SYNM: variants seen among roughly 807,000 people sequenced by gnomAD.
SYNM encodes desmuslin.
A neutral mutation model predicts 104.0 loss-of-function variants in SYNM; 95 were observed. The ratio of observed to expected loss-of-function variants is 0.91; its 90% CI spans 0.77 to 1.08. SYNM has a LOEUF of 1.08. SYNM is among the 50% of genes least tolerant of loss of function. The probability of loss-of-function intolerance (pLI) is 0.00; values close to 1 mark genes in which losing one functional copy is unlikely to be tolerated. For missense variants in SYNM, 2,150 were observed against 2,052.2 expected, an observed-to-expected ratio of 1.05 and a Z score of -0.92; for synonymous variants, 918 against 869.0, an observed-to-expected ratio of 1.06 and a Z score of -0.99.
In SYNM at chr15:99,130,232, T is replaced by C. The variant is rs1567283124; in HGVS notation, c.1872T>C (p.Asp624=). The C allele has an allele frequency of 6.2e-7, 1 of 1,613,974 alleles. No homozygotes were observed. Among genetic ancestry groups the C allele is most frequent in the South Asian group, 1.1e-5 (1 of 91,078 alleles). ...TACGGTTCAGGTTGGGCACCAGTGA[T>C]GCCACTGGTTCTCTGCAAGGCGATT... is the stretch of plus-strand genomic sequence containing the variant. The part of the protein sequence containing the change: ...RELRFRLGTS[D]ATGSLQGDSM... Residue 624 remains aspartate, a synonymous_variant, in exon 4 of 4, where the codon GAT becomes GAC. Transcript: ENST00000336292.
Position 99,131,011 on chromosome 15 carries a change from G to C in SYNM, c.2651G>C (p.Gly884Ala), listed in dbSNP as rs782379158. 4.3e-6 allele frequency: 7 copies of C among 1,613,114 alleles called. No individual in the cohort carries two copies. The African/African-American group carries it at 9.3e-5, about 22-fold the overall frequency. ...AGGACACAGAAGGACGGTGCAGTGG[G>C]CGAGAAGGTTGTGAAGCCCTTGGAT... ...RRRTQKDGAV[G>A]EKVVKPLDVP... is the part of the protein sequence containing the mutation. Residue 884 changes from glycine (G) to alanine (A), a missense_variant, in exon 4 of 4, where the codon GGC becomes GCC. Physicochemically the swap from Gly to Ala is moderately conservative, Grantham distance 60. Transcript: ENST00000336292. The surrounding 1 kb of genome is among the most constrained non-coding windows in gnomAD (Gnocchi z 4.3).
intron 1 of SYNM, among the ~76,000 whole-genome samples, chr15:99,108,206 C>T (rs1311547769): frequency 8.5e-5 from 13 of 152,102 alleles, no homozygotes; most frequent in African/African-American, 2.9e-4. Context: ...AACTCCTGAC[C>T]TCAAGTGATC....
At chr15:99,126,642 C>A (rs2067450479) in intron 2 of SYNM, 80 bp from the exon 3 acceptor site, 1 of 1,335,964 alleles carries the variant, frequency 7.5e-7, no homozygotes, top group Non-Finnish European at 1.0e-6. Context: ...TCATTGGCCG[C>A]ATACCACGAT....
Position 99,130,337 on chromosome 15 carries a change from T to C in SYNM, c.1977T>C (p.Ser659=). The change falls in exon 4 of 4, where the codon TCT becomes TCC. Residue 659 remains serine, a synonymous_variant. Coordinates refer to ENST00000336292, the MANE Select transcript of SYNM (RefSeq NM_145728.3). Reference sequence around the variant, plus strand: ...CTCAGTCTCCAGAGACAGAAGCATCTGCTGATTCTTTTCCAGACACAAAAG... The same window carrying C: ...CTCAGTCTCCAGAGACAGAAGCATCCGCTGATTCTTTTCCAGACACAAAAG... ...QFTQSPETEA[S]ADSFPDTKVT... is the part of the protein sequence containing the mutation. 4 of 1,613,792 alleles carry C rather than the reference T, an allele frequency of 2.5e-6. No individual in the cohort carries two copies. Among genetic ancestry groups the C allele is most frequent in the Non-Finnish European group, 3.4e-6 (4 of 1,179,804 alleles).
rs200530953 is a variant in SYNM, at chr15:99,132,545, G to A, written c.4185G>A (p.Ser1395=). ...ACACATCAGGGGCAGAAATGACATC[G>A]GGTGTTAGCAGATCCTTTAGGCACA... is the stretch of plus-strand genomic sequence containing the variant. ...AEDTSGAEMT[S]GVSRSFRHIR... Residue 1395 remains serine (S), a synonymous_variant, in exon 4 of 4, where the codon TCG becomes TCA. Coordinates refer to ENST00000336292, the MANE Select transcript of SYNM (RefSeq NM_145728.3). The A allele has an allele frequency of 3.2e-4, 511 of 1,614,020 alleles. No homozygotes were observed. The African/African-American group carries it at 5.8e-3, about 18-fold the overall frequency.
Position 99,105,631 on chromosome 15 carries a change from C to A in SYNM, c.432C>A (p.Leu144=), listed in dbSNP as rs1555482492. 7.5e-7 allele frequency: 1 copy of A among 1,324,908 alleles called. No individual in the cohort carries two copies. Among genetic ancestry groups the A allele is most frequent in the Non-Finnish European group, 9.6e-7 (1 of 1,038,084 alleles). 82.1% of individuals were successfully genotyped at this position (1,324,908 alleles called of 1,614,324 possible). A position where few individuals can be genotyped will look rare whatever the true frequency, so the allele number is the denominator to read the frequency against. ...LGRLQAERRG[L]DAAHERDVRE... ...GGCTGCAGGCCGAGCGCCGAGGCCT[C>A]GACGCGGCCCACGAACGCGACGTGA... Residue 144 remains leucine, a synonymous_variant, in exon 1 of 4, where the codon CTC becomes CTA. Coordinates refer to ENST00000336292, the MANE Select transcript of SYNM (RefSeq NM_145728.3).
intron 2 of SYNM, among the ~76,000 whole-genome samples, chr15:99,126,356 A>G (rs1336383792): frequency 6.6e-6 from 1 of 152,222 alleles, no homozygotes; most frequent in Admixed American, 6.5e-5. Context: ...ACATCTCTCC[A>G]GTGCCCCCTT....
rs1416492414 is a variant in SYNM, at chr15:99,129,574, C to T, written c.1214C>T (p.Ser405Phe). The T allele has an allele frequency of 6.2e-7, 1 of 1,613,924 alleles. No individual in the cohort carries two copies. Among genetic ancestry groups the T allele is most frequent in the Non-Finnish European group, 8.5e-7 (1 of 1,179,880 alleles). ...GGCTTCTTGGGCTCGGGATATTCTT[C>T]CTCGGCCACTACCCAGCAGGAAAAC... ...RRGFLGSGYS[S>F]SATTQQENSY... Residue 405 changes from serine to phenylalanine, a missense_variant, in exon 4 of 4, where the codon TCC (serine) becomes TTC (phenylalanine). Ser to Phe is a radical substitution (Grantham distance 155, BLOSUM62 -2). Coordinates refer to ENST00000336292, the MANE Select transcript of SYNM (RefSeq NM_145728.3).
downstream of SYNM, chr15:99,137,651 A>G (rs567933180): frequency 1.3e-5 from 3 of 223,074 alleles, no homozygotes; most frequent in Non-Finnish European, 2.7e-5. Flanking sequence ...CTCCACACCT[A>G]TGCAAGGAGC....
At chr15:99,139,967 C>G (rs905215302), downstream of SYNM, 2 of 265,750 alleles carry the variant, frequency 7.5e-6, no homozygotes, top group African/African-American at 4.4e-5. Context: ...TAGGGCAAAT[C>G]AAGGAGAGGA....
chr15:99,129,320 G>A (rs1555485350), intron 3 of SYNM, 47 bp from the exon 4 acceptor site: 2 of 1,593,916 alleles, frequency 1.3e-6, no homozygotes, highest in Admixed American at 1.7e-5. Context: ...ATGGAAAAGG[G>A]TAATGATGAC....
chr15:99,126,318 T>C (rs1258411790), intron 2 of SYNM, among the ~76,000 whole-genome samples: 5 of 152,238 alleles, frequency 3.3e-5, no homozygotes, highest in Admixed American at 6.5e-5. Flanking sequence ...GGGGTGTAGC[T>C]GCTCTGGGGC....
At chr15:99,110,587 C>T (rs1339450199) in intron 1 of SYNM, among the ~76,000 whole-genome samples, 1 of 152,254 alleles carries the variant, frequency 6.6e-6, no homozygotes, top group Non-Finnish European at 1.5e-5. Context: ...TCCCCTGGAG[C>T]TCTACCTTTC....
intron 1 of SYNM, among the ~76,000 whole-genome samples, chr15:99,109,594 G>A (rs2067282179): frequency 6.6e-6 from 1 of 152,162 alleles, no homozygotes; most frequent in Non-Finnish European, 1.5e-5. Flanking sequence ...TCCTTAACCT[G>A]TCTGCAATTC....
Position 99,129,653 on chromosome 15 carries a change from C to G in SYNM, c.1293C>G (p.Thr431=), listed in dbSNP as rs782005371. Residue 431 remains threonine, a synonymous_variant, in exon 4 of 4, where the codon ACC becomes ACG. Transcript: ENST00000336292. The part of the protein sequence containing the change: ...SQTNVRTFSP[T]YGLLRNTEAQ... ...CCAACGTCAGAACTTTCTCTCCAAC[C>G]TATGGCCTTTTAAGAAATACTGAGG... 2 of 1,613,818 alleles carry G rather than the reference C, an allele frequency of 1.2e-6. No homozygotes were observed. Among genetic ancestry groups the G allele is most frequent in the Admixed American group, 1.7e-5 (1 of 59,998 alleles).
the SYNM span, among the ~76,000 whole-genome samples, chr15:99,141,576 G>A: frequency 2.6e-5 from 4 of 151,980 alleles, no homozygotes; most frequent in Non-Finnish European, 5.9e-5. Context: ...TTTAAAAATC[G>A]GATGAATTGT....
In SYNM at chr15:99,106,029, G is replaced by T; in HGVS notation, c.810+20G>T. ...CGGCAGGTCCGTGCGCGGGGATGGC[G>T]CGCTGACCCCATACCCGCTGCCGTC... On this transcript the variant is annotated intron_variant, in intron 1 of 3. Coordinates refer to ENST00000336292, the MANE Select transcript of SYNM (RefSeq NM_145728.3). 7.0e-7 allele frequency: 1 copy of T among 1,432,008 alleles called. No individual in the cohort carries two copies. Among genetic ancestry groups the T allele is most frequent in the East Asian group, 2.7e-5 (1 of 36,406 alleles). The allele number at this position is 1,432,008 out of a possible 1,614,324, so 88.7% of individuals were successfully genotyped here.
intron 2 of SYNM, among the ~76,000 whole-genome samples, chr15:99,123,475 C>T (rs2151805583): frequency 6.6e-6 from 1 of 152,220 alleles, no homozygotes; most frequent in South Asian, 2.1e-4. Context: ...CGTTGCTGGT[C>T]ATGGGAATGG....
intron 1 of SYNM, among the ~76,000 whole-genome samples, chr15:99,107,384 T>A (rs570789213): frequency 5.3e-5 from 8 of 152,318 alleles, no homozygotes; most frequent in Admixed American, 5.2e-4. Flanking sequence ...TCATGGAGAT[T>A]TGACCAGTGG....
Sources: gnomAD v4.1 joint callset for allele counts (sites outside exome capture counted in the v4.1 genomes callset) on GRCh38, gnomAD v4.1.1 for gene constraint, Gnocchi (gnomAD v3.1) non-coding constraint, MANE v1.5 for transcripts, NCBI Gene and HGNC (gene_info 2026-07-23, HGNC 2026-07-21) for gene names.